Variants in ENPP6 observed in about 807,000 individuals in gnomAD.
ENPP6 encodes the protein ectonucleotide pyrophosphatase/phosphodiesterase 6.
A neutral mutation model predicts 42.0 loss-of-function variants in ENPP6; 32 were observed. The ratio of observed to expected loss-of-function variants is 0.76; its 90% CI spans 0.58 to 1.02. The LOEUF (loss-of-function observed/expected upper bound fraction) is 1.02. Ranked by LOEUF, ENPP6 falls within the 50% of genes least tolerant of loss-of-function variation. ENPP6 has a pLI of 0.00. For synonymous variants in ENPP6, 213 were observed against 216.0 expected, an observed-to-expected ratio of 0.99 and a Z score of 0.12; for missense variants, 552 against 566.8, an observed-to-expected ratio of 0.97 and a Z score of 0.27.
chr4:184,124,330 G>A (rs773604144), intron 2 of ENPP6, 58 bp from the exon 3 acceptor site: 29 of 1,327,834 alleles, frequency 2.2e-5, no homozygotes, highest in Non-Finnish European at 2.8e-5. Context: ...GTCGAGTTAT[G>A]AGCCTATTTC....
intron 6 of ENPP6, among the ~76,000 whole-genome samples, chr4:184,099,107 A>G (rs1441161067): frequency 3.9e-5 from 6 of 152,184 alleles, no homozygotes; most frequent in African/African-American, 1.4e-4. Context: ...AGGTTAAGTG[A>G]CAGTCAGAGT....
In ENPP6 at chr4:184,131,136, ACTTACTTTCTTT is replaced by A. The variant is rs1201702342; in HGVS notation, c.422-6876_422-6865del. Among the ~76,000 whole-genome samples, 42 of 125,278 alleles carry A rather than the reference ACTTACTTTCTTT, an allele frequency of 3.4e-4. 5 individuals are homozygous for A. The highest frequency in any genetic ancestry group is 1.5e-3 in the African/African-American group (40 of 27,246). 82.2% of individuals were successfully genotyped at this position (125,278 alleles called of 152,430 possible). A position where few individuals can be genotyped will look rare whatever the true frequency, so the allele number is the denominator to read the frequency against. ...ATTGTTTCAACTTGCTTCCACCAGC[ACTTACTTTCTTT>A]CTTTCTTTCTTTCTTTCTTTCTTTC... On this transcript the variant is annotated intron_variant, in intron 2 of 7. Coordinates refer to ENST00000296741, the MANE Select transcript of ENPP6 (RefSeq NM_153343.4).
chr4:184,181,227 G>T (rs1441920461), intron 1 of ENPP6, among the ~76,000 whole-genome samples: 1 of 152,134 alleles, frequency 6.6e-6, no homozygotes, highest in Non-Finnish European at 1.5e-5. Context: ...TAGACCAGCA[G>T]AGAGCCAAAT....
intron 6 of ENPP6, among the ~76,000 whole-genome samples, chr4:184,106,183 T>C (rs1029566653): frequency 6.6e-6 from 1 of 151,916 alleles, no homozygotes; most frequent in Non-Finnish European, 1.5e-5. Flanking sequence ...TACAGGCACA[T>C]ACCACCATGC....
chr4:184,120,575 T>C (rs1335891567), intron 3 of ENPP6, among the ~76,000 whole-genome samples: 1 of 152,190 alleles, frequency 6.6e-6, no homozygotes, highest in Admixed American at 6.5e-5. Context: ...TTTAGCACCA[T>C]GCACCTTTTC....
At chr4:184,158,424 G>C (rs1391815470) in intron 1 of ENPP6, among the ~76,000 whole-genome samples, 1 of 152,052 alleles carries the variant, frequency 6.6e-6, no homozygotes, top group African/African-American at 2.4e-5. Flanking sequence ...GGGGGGAATA[G>C]GATTGTTCTG....
intron 1 of ENPP6, among the ~76,000 whole-genome samples, chr4:184,206,297 G>T (rs34729325): frequency 3.9e-5 from 4 of 101,478 alleles, no homozygotes; most frequent in African/African-American, 3.9e-5. Context: ...TCGCTCTGTC[G>T]CCCAGGCTGG....
chr4:184,196,567 C>T (rs1732803752), intron 1 of ENPP6, among the ~76,000 whole-genome samples: 1 of 152,202 alleles, frequency 6.6e-6, no homozygotes, highest in Non-Finnish European at 1.5e-5. Flanking sequence ...AGGCACCATC[C>T]ATCTCTGAAA....
intron 1 of ENPP6, among the ~76,000 whole-genome samples, chr4:184,215,454 A>T (rs553935701): frequency 3.9e-5 from 6 of 152,304 alleles, no homozygotes; most frequent in African/African-American, 1.4e-4. Flanking sequence ...GTATTGGGGA[A>T]AATAGTCTAA....
At chr4:184,167,524 A>G (rs547693995) in intron 1 of ENPP6, among the ~76,000 whole-genome samples, 35 of 152,320 alleles carry the variant, frequency 2.3e-4, no homozygotes, top group African/African-American at 8.2e-4. Context: ...GCTCTTAAGG[A>G]GTGTGAACTA....
At position 184,094,688 on chromosome 4, in the gene ENPP6, G is replaced by T. The variant is rs149077905; in HGVS notation, c.1117+2557C>A. Among the ~76,000 whole-genome samples the T allele has an allele frequency of 1.0e-3, 157 of 152,360 alleles. 2 individuals carry two copies. In the East Asian group the frequency reaches 0.021, roughly 20 times the overall value. On this transcript the variant is annotated intron_variant, in intron 7 of 7. Transcript: ENST00000296741. ...AGAGGTGTGTCTCTTACAGAGAGGA[G>T]GTTCTGCAGGCTTACACTGTGGCTG... is the stretch of plus-strand genomic sequence containing the variant.
At chr4:184,126,487 G>T (rs1048378332) in intron 2 of ENPP6, among the ~76,000 whole-genome samples, 3 of 152,180 alleles carry the variant, frequency 2.0e-5, no homozygotes, top group Non-Finnish European at 2.9e-5. Flanking sequence ...GCCTACCGTG[G>T]CTACCTAGGC....
At chr4:184,108,155 A>G (rs1736134821) in intron 6 of ENPP6, among the ~76,000 whole-genome samples, 1 of 152,098 alleles carries the variant, frequency 6.6e-6, no homozygotes, top group Admixed American at 6.6e-5. Flanking sequence ...GGAGTGGGGG[A>G]CAGGACTCTA....
chr4:184,194,056 C>T (rs1366197658), intron 1 of ENPP6, among the ~76,000 whole-genome samples: 1 of 152,148 alleles, frequency 6.6e-6, no homozygotes, highest in Admixed American at 6.5e-5. Context: ...TTTGATACCT[C>T]TTCTTCCACA....
At chr4:184,109,871 G>T (rs1368556831) in intron 6 of ENPP6, among the ~76,000 whole-genome samples, 1 of 151,902 alleles carries the variant, frequency 6.6e-6, no homozygotes, top group Non-Finnish European at 1.5e-5. Context: ...TGTGTGATTT[G>T]TCAATGCATA....
At chr4:184,107,849 A>G (rs1352549430) in intron 6 of ENPP6, among the ~76,000 whole-genome samples, 1 of 151,074 alleles carries the variant, frequency 6.6e-6, no homozygotes, top group Non-Finnish European at 1.5e-5. Flanking sequence ...CGGGAGGCGG[A>G]GCTTGCTGTG....
chr4:184,092,920 G>A (rs1735833062), intron 7 of ENPP6, among the ~76,000 whole-genome samples: 1 of 152,214 alleles, frequency 6.6e-6, no homozygotes, highest in South Asian at 2.1e-4. Context: ...ATATATTGCA[G>A]AGGTATCAAC....
chr4:184,122,858 T>C (rs768810860), intron 3 of ENPP6, among the ~76,000 whole-genome samples: 6 of 152,204 alleles, frequency 3.9e-5, no homozygotes, highest in Non-Finnish European at 7.3e-5. Flanking sequence ...CAGCACTGGT[T>C]AGACATGGAG....
At chr4:184,099,203 A>G (rs1027326114) in intron 6 of ENPP6, among the ~76,000 whole-genome samples, 2 of 152,204 alleles carry the variant, frequency 1.3e-5, no homozygotes, top group East Asian at 3.8e-4. Flanking sequence ...CCACACTGCC[A>G]GAGGTCACTG....
Sources: gnomAD v4.1 joint callset for allele counts (sites outside exome capture counted in the v4.1 genomes callset) on GRCh38, gnomAD v4.1.1 for gene constraint, MANE v1.5 for transcripts, NCBI Gene and HGNC (gene_info 2026-07-23, HGNC 2026-07-21) for gene names.